The following SLC6A19 variants were observed in gnomAD, a reference collection of about 807,000 sequenced individuals.
SLC6A19 encodes solute carrier family 6 member 19.
Under a neutral mutation model 68.3 loss-of-function variants are expected in SLC6A19, and 67 were observed. That is an observed-to-expected ratio of 0.98 (90% confidence interval 0.81 to 1.20). The LOEUF is 1.20. Among genes scored for constraint, SLC6A19 ranks in the 50% most tolerant of loss-of-function variants. The probability of loss-of-function intolerance (pLI) is 0.00; values close to 1 mark genes in which losing one functional copy is unlikely to be tolerated. For missense variants in SLC6A19, 813 were observed against 851.6 expected (o/e 0.95, Z 0.56); for synonymous variants, 392 against 374.9 (o/e 1.05, Z -0.53).
At chr5:1,210,383 G>C (rs1745990648) in intron 2 of SLC6A19, 61 bp from the exon 3 acceptor site, 3 of 1,604,722 alleles carry the variant, frequency 1.9e-6, no homozygotes, top group East Asian at 2.2e-5. Context: ...CTCAGAGTGG[G>C]GATGGGTGGC....
Position 1,222,149 on chromosome 5 carries a change from A to C in SLC6A19, c.*245A>C. 1.7e-6 allele frequency: 1 copy of C among 601,802 alleles called. No homozygotes were observed. Among genetic ancestry groups the C allele is most frequent in the East Asian group, 2.8e-5 (1 of 36,274 alleles). The allele number at this position is 601,802 out of a possible 1,614,324, so 37.3% of individuals were successfully genotyped here. ...CATATACATGTGTGTGGGTGTGTGT[A>C]TTGTATGTGCATGTGCCATGTGTGC... is the stretch of plus-strand genomic sequence containing the variant. On this transcript the variant is annotated 3_prime_UTR_variant, in exon 12 of 12. Transcript: ENST00000304460.
At chr5:1,206,706 C>G (rs1053028382) in intron 1 of SLC6A19, among the ~76,000 whole-genome samples, 2 of 152,006 alleles carry the variant, frequency 1.3e-5, no homozygotes, top group East Asian at 3.9e-4. Context: ...AGGCGGGTCA[C>G]GCGTCCCTCC....
Position 1,213,443 on chromosome 5 carries a change from A to T in SLC6A19, c.664-20A>T, listed in dbSNP as rs756423887. 1.7e-6 allele frequency: 2 copies of T among 1,150,924 alleles called. No homozygotes were observed. The highest frequency in any genetic ancestry group is 1.1e-6 in the Non-Finnish European group (1 of 894,794). 71.3% of individuals were successfully genotyped at this position (1,150,924 alleles called of 1,614,324 possible). A position where few individuals can be genotyped will look rare whatever the true frequency, so the allele number is the denominator to read the frequency against. On this transcript the variant is annotated intron_variant, in intron 4 of 11. Transcript: ENST00000304460. The stretch of plus-strand genomic sequence containing the variant: ...GGCCCCCCAACTTCCCGCCCATCCC[A>T]CATGTCCCGCCCTCCGCAGGCCGTG...
At chr5:1,219,454 C>T (rs987897340) in intron 9 of SLC6A19, 51 bp from the exon 10 acceptor site, 8 of 1,602,624 alleles carry the variant, frequency 5.0e-6, no homozygotes, top group Non-Finnish European at 6.8e-6. Context: ...CTGTCCCTGG[C>T]CGTGCGTGCA....
Position 1,210,593 on chromosome 5 carries a change from C to G in SLC6A19, c.481+12C>G, listed in dbSNP as rs370624507. 4.8e-4 allele frequency: 775 copies of G among 1,611,882 alleles called. 1 individual carries two copies. Among genetic ancestry groups the G allele is most frequent in the Non-Finnish European group, 6.0e-4 (704 of 1,179,990 alleles). ...CGAGAACCAGACAGGTGAGTCCTTG[C>G]AAGCAGCCCCATCCGTCTCACCTGT... On this transcript the variant is annotated intron_variant, in intron 3 of 11. Coordinates refer to ENST00000304460, the MANE Select transcript of SLC6A19 (RefSeq NM_001003841.3).
intron 10 of SLC6A19, among the ~76,000 whole-genome samples, chr5:1,220,409 CAAAAA>C (rs70957336): frequency 2.8e-5 from 3 of 105,698 alleles, no homozygotes; most frequent in African/African-American, 7.5e-5. Context: ...GGCTCCATCT[CAAAAA>C]AAAAAAAAAA....
intron 1 of SLC6A19, among the ~76,000 whole-genome samples, chr5:1,206,724 C>T (rs973800760): frequency 7.2e-5 from 11 of 152,038 alleles, no homozygotes; most frequent in Admixed American, 6.5e-4. Flanking sequence ...TCCTGAGAGG[C>T]CCCAGGGACA....
chr5:1,213,974 G>A lies in SLC6A19; in HGVS notation c.796G>A (p.Asp266Asn). The change falls in exon 6 of 12, where the codon GAC becomes AAC. Residue 266 changes from aspartate to asparagine, a missense_variant. Coordinates refer to ENST00000304460, the MANE Select transcript of SLC6A19 (RefSeq NM_001003841.3). ...TPNVTELAQPDTWLDAGAQVF... is the reference protein window; with the variant it reads ...TPNVTELAQPNTWLDAGAQVF... ...GCAGGTCACGGAGCTGGCCCAGCCG[G>A]ACACCTGGCTGGACGCGGGCGCACA... 3 of 1,613,490 alleles carry A rather than the reference G, an allele frequency of 1.9e-6. No homozygotes were observed. The highest frequency in any genetic ancestry group is 2.5e-6 in the Non-Finnish European group (3 of 1,180,004).
At chr5:1,221,028 C>A in intron 10 of SLC6A19, 123 bp from the exon 11 acceptor site, 1 of 1,282,584 alleles carries the variant, frequency 7.8e-7, no homozygotes. Context: ...GGATCGGGCC[C>A]TGGCAAGGGG....
Position 1,213,579 on chromosome 5 carries a change from T to G in SLC6A19, c.774+6T>G. ...TCTTCCTCTTCACGCCCAACGTAAG[T>G]CCCCGAGGCTGCCCTGGGCCCAGAC... On this transcript the variant is annotated splice_donor_region_variant and intron_variant, in intron 5 of 11. Transcript: ENST00000304460. The G allele has an allele frequency of 6.2e-7, 1 of 1,610,218 alleles. No homozygotes were observed.
intron 11 of SLC6A19, 119 bp downstream of exon 11, chr5:1,221,432 C>A: frequency 4.7e-6 from 6 of 1,278,586 alleles, no homozygotes; most frequent in Non-Finnish European, 6.6e-6. Flanking sequence ...CATGGGCACA[C>A]ACACTCACAC....
Position 1,216,899 on chromosome 5 carries a change from C to T in SLC6A19, c.1127C>T (p.Ala376Val), listed in dbSNP as rs765798920. The part of the protein sequence containing the change: ...RCNASDPAAY[A>V]QLVFQTCDIN... ...AACGCCTCCGACCCCGCGGCCTACG[C>T]GCAGCTGGTGTTCCAGACCTGCGAC... Residue 376 changes from alanine (A) to valine (V), a missense_variant, in exon 8 of 12, where the codon GCG becomes GTG. Transcript: ENST00000304460. 3.0e-5 allele frequency: 48 copies of T among 1,613,456 alleles called. No individual in the cohort carries two copies. The Middle Eastern group carries it at 5.0e-4, about 17-fold the overall frequency.
chr5:1,213,671 G>A (rs1211601869), intron 5 of SLC6A19, 98 bp downstream of exon 5: 4 of 1,255,464 alleles, frequency 3.2e-6, no homozygotes, highest in African/African-American at 3.0e-5. Context: ...CACGGGGACA[G>A]GCAGCCTGCT....
rs192916054 is a variant in SLC6A19 at position 1,214,921 on chromosome 5, G to A, written c.887+856G>A. Among the ~76,000 whole-genome samples the A allele has an allele frequency of 4.5e-3, 673 of 151,000 alleles. No homozygotes were observed. The highest frequency in any genetic ancestry group is 7.6e-3 in the Non-Finnish European group (514 of 67,896). On this transcript the variant is annotated intron_variant, in intron 6 of 11. Coordinates refer to ENST00000304460, the MANE Select transcript of SLC6A19 (RefSeq NM_001003841.3). The surrounding 1 kb of genome is among the most constrained non-coding windows in gnomAD (Gnocchi z 7.4). ...TGGGCAGGGAGGGCATAGCTGAGGC[G>A]GGGCTGGGGCTTGGCAGGTGCAGAG...
intron 1 of SLC6A19, among the ~76,000 whole-genome samples, chr5:1,203,034 C>T (rs918024177): frequency 1.3e-5 from 2 of 152,116 alleles, no homozygotes; most frequent in African/African-American, 2.4e-5. Flanking sequence ...ACTGTCCTCG[C>T]CCCCTCCCCC....
Position 1,201,710 on chromosome 5 carries a change from G to C in SLC6A19, c.60G>C (p.Glu20Asp). The C allele has an allele frequency of 6.2e-7, 1 of 1,612,204 alleles. No individual in the cohort carries two copies. Among genetic ancestry groups the C allele is most frequent in the Non-Finnish European group, 8.5e-7 (1 of 1,179,894 alleles). Residue 20 changes from glutamate to aspartate, a missense_variant, in exon 1 of 12, where the codon GAG (glutamate) becomes GAC (aspartate). Transcript: ENST00000304460. Reference protein sequence around the residue: ...GLDARIPSLAELETIEQEEAS... With the variant: ...GLDARIPSLADLETIEQEEAS... The stretch of plus-strand genomic sequence containing the variant: ...ACGCCCGGATCCCGTCCCTGGCTGA[G>C]CTGGAGACCATCGAGCAGGAGGAGG...
chr5:1,217,005 C>G, intron 8 of SLC6A19, 60 bp downstream of exon 8: 9 of 1,608,708 alleles, frequency 5.6e-6, no homozygotes, highest in Non-Finnish European at 7.6e-6. Context: ...ACCTCAGAGT[C>G]CGGCCACCCC....
In SLC6A19 at chr5:1,209,018, A is replaced by G; in HGVS notation, c.343+132A>G. 1 of 1,253,606 alleles carries G rather than the reference A, an allele frequency of 8.0e-7. No individual in the cohort carries two copies. The highest frequency in any genetic ancestry group is 1.1e-6 in the Non-Finnish European group (1 of 930,608). 77.7% of individuals were successfully genotyped at this position (1,253,606 alleles called of 1,614,324 possible). ...GCCTTCCCTGTCTGTTTCTGGTGCA[A>G]CAAAGGTCCCAGCTTCATCTCCTGG... On this transcript the variant is annotated intron_variant, in intron 2 of 11. Coordinates refer to ENST00000304460, the MANE Select transcript of SLC6A19 (RefSeq NM_001003841.3). This position sits in a 1 kb window ranked among gnomAD's most constrained non-coding sequence, Gnocchi z 5.5.
At position 1,215,418 on chromosome 5, in the gene SLC6A19, C is replaced by T. The variant is rs539206874; in HGVS notation, c.888-1140C>T. On this transcript the variant is annotated intron_variant, in intron 6 of 11. Coordinates refer to ENST00000304460, the MANE Select transcript of SLC6A19 (RefSeq NM_001003841.3). This position sits in a 1 kb window ranked among gnomAD's most constrained non-coding sequence, Gnocchi z 5.1. ...AGCAGCCGCTCCCCAGTGCCCTGTC[C>T]TCCTGCCCCGGGTGAGCACTGATGC... Among the ~76,000 whole-genome samples the T allele has an allele frequency of 6.6e-6, 1 of 152,328 alleles. No homozygotes were observed. Among genetic ancestry groups the T allele is most frequent in the Non-Finnish European group, 1.5e-5 (1 of 68,034 alleles).
Sources: gnomAD v4.1 joint callset for allele counts (sites outside exome capture counted in the v4.1 genomes callset) on GRCh38, gnomAD v4.1.1 for gene constraint, Gnocchi (gnomAD v3.1) non-coding constraint, MANE v1.5 for transcripts, NCBI Gene and HGNC (gene_info 2026-07-23, HGNC 2026-07-21) for gene names.